Variants in AASS observed in about 807,000 individuals in gnomAD.
AASS encodes the protein aminoadipate-semialdehyde synthase.
Under a neutral mutation model 105.4 loss-of-function variants are expected in AASS, and 86 were observed. That is an observed-to-expected ratio of 0.82 (90% confidence interval 0.69 to 0.98). The LOEUF is 0.98. Ranked by LOEUF, AASS falls within the 50% of genes least tolerant of loss-of-function variation. The probability of loss-of-function intolerance (pLI) is 0.00; values close to 1 mark genes in which losing one functional copy is unlikely to be tolerated. For synonymous variants in AASS, 381 were observed against 394.8 expected, an observed-to-expected ratio of 0.96 and a Z score of 0.41; for missense variants, 1,048 against 1,143.2, an observed-to-expected ratio of 0.92 and a Z score of 1.20.
chr7:122,128,939 G>A lies in AASS; in HGVS notation c.387+422C>T, dbSNP rs527251489. 2.6e-5 allele frequency among the ~76,000 whole-genome samples: 4 copies of A among 152,166 alleles called. No individual in the cohort carries two copies. The South Asian group carries it at 8.3e-4, about 32-fold the overall frequency. On this transcript the variant is annotated intron_variant, in intron 3 of 23. Coordinates refer to ENST00000417368, the MANE Select transcript of AASS (RefSeq NM_005763.4). ...TAAAAATACAAAAAATTAGCTGGGC[G>A]TGTTGGCTGGCGCCTGTAGTCCCAG...
intron 8 of AASS, 122 bp downstream of exon 8, chr7:122,116,511 C>T: frequency 7.9e-7 from 1 of 1,261,848 alleles, no homozygotes; most frequent in East Asian, 2.4e-5. Context: ...AATCATGATA[C>T]CCAAAGGACT....
Position 122,091,754 on chromosome 7 carries a change from C to A in AASS, c.1965G>T (p.Val655=). 6.2e-7 allele frequency: 1 copy of A among 1,613,506 alleles called. No individual in the cohort carries two copies. The highest frequency in any genetic ancestry group is 8.5e-7 in the Non-Finnish European group (1 of 1,179,662). Reference sequence around the variant, plus strand: ...ACTGCATTACATTCATCAAAACTCCCACTGGACTCCAGCTAAATTTATATC... The same window carrying A: ...ACTGCATTACATTCATCAAAACTCCAACTGGACTCCAGCTAAATTTATATC... ...PLRYKFSWSP[V]GVLMNVMQSA... is the part of the protein sequence containing the mutation. Residue 655 remains valine (V), a synonymous_variant, in exon 18 of 24, where the codon GTG becomes GTT. Transcript: ENST00000417368.
chr7:122,084,490 G>A (rs1793524583), intron 19 of AASS, among the ~76,000 whole-genome samples: 1 of 152,116 alleles, frequency 6.6e-6, no homozygotes, highest in African/African-American at 2.4e-5. Flanking sequence ...GGTGAACCTG[G>A]AAGACATTAT....
intron 1 of AASS, among the ~76,000 whole-genome samples, chr7:122,137,159 T>C (rs1796182611): frequency 6.6e-6 from 1 of 152,244 alleles, no homozygotes; most frequent in Non-Finnish European, 1.5e-5. Flanking sequence ...CCAAGCTCTA[T>C]GCTGAGCACT....
At chr7:122,130,786 A>G (rs1178232409) in intron 2 of AASS, among the ~76,000 whole-genome samples, 2 of 152,012 alleles carry the variant, frequency 1.3e-5, no homozygotes, top group Admixed American at 1.3e-4. Context: ...TTTCTTCAAA[A>G]ACAGTCCATT....
chr7:122,132,519 C>T (rs752446411), intron 2 of AASS, among the ~76,000 whole-genome samples: 2 of 152,104 alleles, frequency 1.3e-5, no homozygotes, highest in African/African-American at 4.8e-5. Context: ...TCAGTAATTA[C>T]AAAGGGTGAT....
At chr7:122,086,203 C>T (rs768174383) in intron 18 of AASS, 24 bp from the exon 19 acceptor site, 15 of 1,611,698 alleles carry the variant, frequency 9.3e-6, no homozygotes, top group Middle Eastern at 1.7e-4. Flanking sequence ...AGAAGGCACA[C>T]ATGGGGTTAC....
chr7:122,085,644 C>T (rs575357764), intron 19 of AASS, among the ~76,000 whole-genome samples: 1 of 152,168 alleles, frequency 6.6e-6, no homozygotes, highest in Non-Finnish European at 1.5e-5. Context: ...TTTATTCCCA[C>T]TGAATTTGAT....
rs745643453 is a variant in AASS at position 122,092,952 on chromosome 7, C to G, written c.1767-1G>C. 2 of 1,613,362 alleles carry G rather than the reference C, an allele frequency of 1.2e-6. No individual in the cohort carries two copies. The highest frequency in any genetic ancestry group is 1.7e-5 in the Admixed American group (1 of 59,968). ...GATTGTGATGCCAGCATCTTCCACA[C>G]TGCAGCAGGTGGAAAGAGGAAAAAG... On this transcript the variant is annotated splice_acceptor_variant, in intron 16 of 23. Transcript: ENST00000417368. LOFTEE classifies it high-confidence loss of function.
intron 9 of AASS, 115 bp downstream of exon 9, chr7:122,114,959 G>T: frequency 1.4e-6 from 2 of 1,422,784 alleles, no homozygotes; most frequent in South Asian, 1.2e-5. Flanking sequence ...GGTCAAGAAA[G>T]ATAAGGCAGA....
chr7:122,078,654 AT>A (rs1400979464), intron 22 of AASS, among the ~76,000 whole-genome samples: 1 of 152,080 alleles, frequency 6.6e-6, no homozygotes, highest in Non-Finnish European at 1.5e-5. Flanking sequence ...TAGTAAAACT[AT>A]TTTTTCCTTT....
chr7:122,109,958 A>C (rs1202271714), intron 11 of AASS, among the ~76,000 whole-genome samples: 1 of 152,064 alleles, frequency 6.6e-6, no homozygotes, highest in East Asian at 1.9e-4. Flanking sequence ...TCAAAGAACA[A>C]AACAAGAGAT....
chr7:122,079,654 T>G lies in AASS; in HGVS notation c.2339A>C (p.Lys780Thr), dbSNP rs147475291. 1.3e-3 allele frequency: 2,152 copies of G among 1,614,080 alleles called. 3 individuals are homozygous for G. Among genetic ancestry groups the G allele is most frequent in the Non-Finnish European group, 1.6e-3 (1,928 of 1,179,966 alleles). ...TCCTAGTTTCTTAAGAACAGCTTCC[T>G]TCAACACATCATGCTCAGAGGAGGG... is the stretch of plus-strand genomic sequence containing the variant. ...ISPSSEHDVL[K>T]EAVLKKLGGD... Residue 780 changes from lysine to threonine, a missense_variant, in exon 21 of 24, where the codon AAG becomes ACG. Coordinates refer to ENST00000417368, the MANE Select transcript of AASS (RefSeq NM_005763.4).
At chr7:122,130,754 T>A (rs367887744) in intron 2 of AASS, among the ~76,000 whole-genome samples, 1 of 152,102 alleles carries the variant, frequency 6.6e-6, no homozygotes, top group South Asian at 2.1e-4. Flanking sequence ...AGTTAAAGGA[T>A]GAATATACAA....
rs1045436247 is a variant in AASS at position 122,074,082 on chromosome 7, G to T, written c.*2407C>A. On this transcript the variant is annotated 3_prime_UTR_variant, in exon 24 of 24. Transcript: ENST00000417368. ...GTGTAGACATTTGTTTTTATATCAC[G>T]TGGGTATCCACCAACAGTGCATGAG... Among the ~76,000 whole-genome samples, 2 of 152,100 alleles carry T rather than the reference G, an allele frequency of 1.3e-5. No homozygotes were observed. The highest frequency in any genetic ancestry group is 1.3e-4 in the Admixed American group (2 of 15,282).
intron 3 of AASS, 28 bp downstream of exon 3, chr7:122,129,333 A>G (rs748307435): frequency 7.1e-7 from 1 of 1,412,064 alleles, no homozygotes; most frequent in South Asian, 1.6e-5. Context: ...TTCTACATTA[A>G]TATTTATAAA....
intron 20 of AASS, among the ~76,000 whole-genome samples, chr7:122,080,168 C>T (rs1793241353): frequency 6.6e-6 from 1 of 152,152 alleles, no homozygotes; most frequent in African/African-American, 2.4e-5. Context: ...GTAATAAAAT[C>T]TCAAAGGAAG....
At chr7:122,091,644 A>C (rs1483110207) in intron 18 of AASS, 59 bp downstream of exon 18, 20 of 1,611,872 alleles carry the variant, frequency 1.2e-5, no homozygotes, top group Non-Finnish European at 1.5e-5. Flanking sequence ...GGGAGTATTT[A>C]GACTGTCTCA....
chr7:122,085,908 C>G, intron 19 of AASS, 104 bp downstream of exon 19: 1 of 1,291,834 alleles, frequency 7.7e-7, no homozygotes, highest in South Asian at 1.2e-5. Flanking sequence ...TAGACTCCAA[C>G]TTGGTTTATC....
Sources: gnomAD v4.1 joint callset for allele counts (sites outside exome capture counted in the v4.1 genomes callset) on GRCh38, gnomAD v4.1.1 for gene constraint, MANE v1.5 for transcripts, NCBI Gene and HGNC (gene_info 2026-07-23, HGNC 2026-07-21) for gene names.